The following PRC1 variants were observed in gnomAD, a reference collection of about 807,000 sequenced individuals.
The protein encoded by PRC1 is protein regulator of cytokinesis 1, also known as anaphase spindle elongation 1 homolog.
A neutral mutation model predicts 91.2 loss-of-function variants in PRC1; 54 were observed. The observed-to-expected ratio is 0.59, with a 90% CI of 0.48 to 0.74. PRC1 has a LOEUF of 0.74. Ranked by LOEUF, PRC1 falls within the 30% of genes least tolerant of loss-of-function variation. The probability of loss-of-function intolerance (pLI) is 0.00; values close to 1 mark genes in which losing one functional copy is unlikely to be tolerated. For synonymous variants in PRC1, 275 were observed against 263.6 expected (o/e 1.04, Z -0.42); for missense variants, 727 against 746.2 (o/e 0.97, Z 0.30).
intron 5 of PRC1, 189 bp downstream of exon 5, chr15:90,981,310 G>C: frequency 1.4e-6 from 1 of 702,552 alleles, no homozygotes; most frequent in Middle Eastern, 4.1e-4. Context: ...CATTTTCTTG[G>C]AGCCATATAA....
chr15:90,982,014 T>C lies in PRC1; in HGVS notation c.268-33A>G, dbSNP rs759188120. On this transcript the variant is annotated intron_variant, in intron 3 of 14. Coordinates refer to ENST00000394249, the MANE Select transcript of PRC1 (RefSeq NM_003981.4). ...AGACAACGTACCACTGTTATAAGAT[T>C]CCAAGTGAATTCCTTCAGAGGAAGA... The C allele has an allele frequency of 4.4e-6, 7 of 1,576,800 alleles. No homozygotes were observed. The African/African-American group carries it at 9.5e-5, about 21-fold the overall frequency.
At position 90,987,629 on chromosome 15, in the gene PRC1, G is replaced by A. The variant is rs566930374; in HGVS notation, c.12-2804C>T. On this transcript the variant is annotated intron_variant, in intron 1 of 14. Coordinates refer to ENST00000394249, the MANE Select transcript of PRC1 (RefSeq NM_003981.4). ...ATAGAAATTTTTCTCCCTTTTCTTAGGTATAACAGGACAACTAAGACTGCC... is the reference window on the plus strand; with the variant it reads ...ATAGAAATTTTTCTCCCTTTTCTTAAGTATAACAGGACAACTAAGACTGCC... 2.6e-5 allele frequency: 4 copies of A among 152,096 alleles called. No individual in the cohort carries two copies. In the South Asian group the frequency reaches 6.2e-4, roughly 24 times the overall value. The allele number at this position is 152,096 out of a possible 1,614,324, so 9.4% of individuals were successfully genotyped here.
At chr15:90,991,777 T>G (rs1405734985) in intron 1 of PRC1, among the ~76,000 whole-genome samples, 1 of 152,172 alleles carries the variant, frequency 6.6e-6, no homozygotes, top group Non-Finnish European at 1.5e-5. Context: ...ACCAACTTCT[T>G]GCTGTATGGC....
rs761237533 is a variant in PRC1, at chr15:90,979,272, G to A, written c.993C>T (p.Leu331=). Residue 331 remains leucine (L), a synonymous_variant, in exon 8 of 15, where the codon CTC becomes CTT. Transcript: ENST00000394249. ...FCAEDYTESL[L]QLHDAEIVRL... is the part of the protein sequence containing the mutation. ...GCACAATCTCAGCATCGTGGAGCTG[G>A]AGCAGACTTTCTGTGTAGTCCTCTG... 4 of 1,614,082 alleles carry A rather than the reference G, an allele frequency of 2.5e-6. No homozygotes were observed. The African/African-American group carries it at 4.0e-5, about 16-fold the overall frequency.
chr15:90,984,235 CTTT>C lies in PRC1; in HGVS notation c.145-98_145-96del. 6.7e-7 allele frequency: 1 copy of C among 1,484,216 alleles called. No homozygotes were observed. The allele number at this position is 1,484,216 out of a possible 1,614,324, so 91.9% of individuals were successfully genotyped here. A position where few individuals can be genotyped will look rare whatever the true frequency, so the allele number is the denominator to read the frequency against. On this transcript the variant is annotated intron_variant, in intron 2 of 14. Transcript: ENST00000394249. This position sits in a 1 kb window ranked among gnomAD's most constrained non-coding sequence, Gnocchi z 5.1. ...CTCCTCAAATTTCTTTTTTCTTTTT[CTTT>C]TTTTCTTTGAGATGGAGTCTCGCTC...
At position 90,966,399 on chromosome 15, in the gene PRC1, G is replaced by T; in HGVS notation, c.*732C>A. On this transcript the variant is annotated 3_prime_UTR_variant, in exon 15 of 15. Transcript: ENST00000394249. ...GACTCCCAATGTGGCTGGCAACTGC[G>T]GGGGTAGAAGAACTCAGGCAAAGTA... 1 of 339,838 alleles carries T rather than the reference G, an allele frequency of 2.9e-6. No individual in the cohort carries two copies. The highest frequency in any genetic ancestry group is 2.2e-5 in the South Asian group (1 of 45,578). 21.1% of individuals were successfully genotyped at this position (339,838 alleles called of 1,614,324 possible). A position where few individuals can be genotyped will look rare whatever the true frequency, so the allele number is the denominator to read the frequency against.
At chr15:90,986,678 AATT>A (rs2039597228) in intron 1 of PRC1, among the ~76,000 whole-genome samples, 1 of 144,448 alleles carries the variant, frequency 6.9e-6, no homozygotes, top group Non-Finnish European at 1.5e-5. Context: ...ATAAAGCTCA[AATT>A]ATTATATTTC....
intron 5 of PRC1, 186 bp downstream of exon 5, chr15:90,981,313 C>T (rs1015411019): frequency 1.4e-6 from 1 of 704,200 alleles, no homozygotes. Context: ...TTTCTTGGAG[C>T]CATATAAAGG....
At chr15:90,968,477 TTAAG>T in intron 14 of PRC1, 4 of 985,330 alleles carry the variant, frequency 4.1e-6, no homozygotes, top group Non-Finnish European at 4.8e-6. Flanking sequence ...AAATCACAGA[TTAAG>T]TAAAAGGCAG....
chr15:90,985,459 G>A (rs775694189), intron 1 of PRC1, among the ~76,000 whole-genome samples: 2 of 151,786 alleles, frequency 1.3e-5, no homozygotes, highest in African/African-American at 4.8e-5. Context: ...TTGAATTCCC[G>A]GCCTCAAGTG....
At chr15:90,980,447 G>C in intron 6 of PRC1, 58 bp from the exon 7 acceptor site, 1 of 1,542,436 alleles carries the variant, frequency 6.5e-7, no homozygotes, top group Non-Finnish European at 8.7e-7. Context: ...ACTCAGGTTT[G>C]CAAAAGATCC....
Position 90,979,140 on chromosome 15 carries a change from C to G in PRC1, c.1107+18G>C, listed in dbSNP as rs963160494. The G allele has an allele frequency of 1.2e-6, 2 of 1,607,124 alleles. No homozygotes were observed. Among genetic ancestry groups the G allele is most frequent in the African/African-American group, 2.7e-5 (2 of 74,276 alleles). On this transcript the variant is annotated intron_variant, in intron 8 of 14. Transcript: ENST00000394249. ...CATGCTTTCTTAACAGTTAAAAACA[C>G]AAAAACTAGGACAATACCTCAAACT...
In PRC1 at chr15:90,994,454, ACCTACT is replaced by A; in HGVS notation, c.-43_-38del. The stretch of plus-strand genomic sequence containing the variant: ...CAAGCAGCCGTGAGTCCAGGTCCAG[ACCTACT>A]CCACACGGCCCCGAGAGCAACAACC... On this transcript the variant is annotated 5_prime_UTR_variant, in exon 1 of 15. Coordinates refer to ENST00000394249, the MANE Select transcript of PRC1 (RefSeq NM_003981.4). The A allele has an allele frequency of 6.2e-7, 1 of 1,604,590 alleles. No homozygotes were observed. Among genetic ancestry groups the A allele is most frequent in the Non-Finnish European group, 8.5e-7 (1 of 1,175,186 alleles).
At chr15:90,968,904 TTAATC>T (rs2037792119) in intron 14 of PRC1, 170 bp downstream of exon 14, 1 of 1,419,564 alleles carries the variant, frequency 7.0e-7, no homozygotes, top group Non-Finnish European at 9.2e-7. Flanking sequence ...ATTTTATTAA[TTAATC>T]TGTTGTGAAT....
Position 90,966,599 on chromosome 15 carries a change from C to G in PRC1, c.*532G>C, listed in dbSNP as rs2037508711. 4.4e-6 allele frequency: 2 copies of G among 456,018 alleles called. No individual in the cohort carries two copies. Among genetic ancestry groups the G allele is most frequent in the African/African-American group, 2.0e-5 (1 of 50,072 alleles). 28.2% of individuals were successfully genotyped at this position (456,018 alleles called of 1,614,324 possible). The stretch of plus-strand genomic sequence containing the variant: ...TCCTGTCACCTCTTTGGCAGTAGGG[C>G]AGGCCATCTCAACTTCGGACACACA... On this transcript the variant is annotated 3_prime_UTR_variant, in exon 15 of 15. Coordinates refer to ENST00000394249, the MANE Select transcript of PRC1 (RefSeq NM_003981.4).
At chr15:90,969,340 C>G in intron 13 of PRC1, 107 bp downstream of exon 13, 1 of 1,407,864 alleles carries the variant, frequency 7.1e-7, no homozygotes, top group Non-Finnish European at 9.7e-7. Flanking sequence ...TCTCAGCCTC[C>G]AAGGTAGCTG....
At chr15:90,968,778 T>C in intron 14 of PRC1, 1 of 1,204,728 alleles carries the variant, frequency 8.3e-7, no homozygotes, top group African/African-American at 1.6e-5. Context: ...CTCTATTCTT[T>C]CCAGCTATTG....
At chr15:90,980,199 T>C (rs1322157771) in intron 7 of PRC1, 43 bp downstream of exon 7, 1 of 1,547,560 alleles carries the variant, frequency 6.5e-7, no homozygotes, top group Non-Finnish European at 8.7e-7. Flanking sequence ...GAGTAAGACC[T>C]GTCTCCAAAC....
chr15:90,975,464 A>T (rs983331357), intron 9 of PRC1, among the ~76,000 whole-genome samples: 5 of 152,202 alleles, frequency 3.3e-5, no homozygotes, highest in African/African-American at 1.2e-4. Context: ...TGTTGTAAGG[A>T]TTAGACGAAT....
Sources: allele counts gnomAD v4.1 joint callset (sites outside exome capture counted in the v4.1 genomes callset), GRCh38; gene constraint gnomAD v4.1.1; non-coding constraint Gnocchi (gnomAD v3.1); transcripts MANE v1.5; gene names NCBI Gene and HGNC (gene_info 2026-07-23, HGNC 2026-07-21).